Variants in GIGYF2 observed in about 807,000 individuals in gnomAD.
The protein encoded by GIGYF2 is GRB10 interacting GYF protein 2, also known as GRB10-interacting GYF protein 2.
GIGYF2 carries 25 observed loss-of-function variants against 208.1 expected under a neutral mutation model. That is an observed-to-expected ratio of 0.12 (90% confidence interval 0.09 to 0.17). GIGYF2 has a LOEUF of 0.17. GIGYF2 is among the 10% of genes least tolerant of loss of function. GIGYF2 has a pLI of 1.00. For synonymous variants in GIGYF2, 534 were observed against 543.8 expected, an observed-to-expected ratio of 0.98 and a Z score of 0.25; for missense variants, 1,302 against 1,579.4, an observed-to-expected ratio of 0.82 and a Z score of 2.98.
rs114874728 is a variant in GIGYF2, at chr2:232,763,216, A to G, written c.532+1780A>G. On this transcript the variant is annotated intron_variant, in intron 8 of 28. Transcript: ENST00000373563. ...GTAGAGGGGATGAACAGTAGTTTAA[A>G]GAGTACAGGATTTGCAATCAGAAGA... Among the ~76,000 whole-genome samples the G allele has an allele frequency of 7.9e-3, 1,210 of 152,222 alleles. 14 individuals carry two copies. Among genetic ancestry groups the G allele is most frequent in the African/African-American group, 0.027 (1,119 of 41,492 alleles).
rs1701474042 is a variant in GIGYF2, at chr2:232,833,088, A to T, written c.2761A>T (p.Met921Leu). 6 of 1,550,614 alleles carry T rather than the reference A, an allele frequency of 3.9e-6. No homozygotes were observed. The highest frequency in any genetic ancestry group is 3.5e-6 in the Non-Finnish European group (4 of 1,146,178). The change falls in exon 22 of 29, where the codon ATG becomes TTG. Residue 921 changes from methionine to leucine, a missense_variant. Coordinates refer to ENST00000373563, the MANE Select transcript of GIGYF2 (RefSeq NM_001103146.3). ...GCAGCAGCAACAACAGCTGGCGCAG[A>T]TGAAGGTAAAGCCCGAGGCATCAAC... ...QQQQQQQLAQMKLPSSSTWGQ... is the reference protein window; with the variant it reads ...QQQQQQQLAQLKLPSSSTWGQ...
intron 9 of GIGYF2, among the ~76,000 whole-genome samples, chr2:232,790,278 A>G (rs1323415477): frequency 2.0e-5 from 3 of 152,200 alleles, no homozygotes; most frequent in Non-Finnish European, 2.9e-5. Context: ...ATGGGAAGAA[A>G]GAAAATGCTT....
At chr2:232,792,810 C>T (rs532642590) in intron 12 of GIGYF2, among the ~76,000 whole-genome samples, 1 of 152,190 alleles carries the variant, frequency 6.6e-6, no homozygotes, top group East Asian at 1.9e-4. Flanking sequence ...TTTGAATGTA[C>T]GTGCTTGAAG....
At chr2:232,770,937 C>T in intron 8 of GIGYF2, 1 of 1,613,852 alleles carries the variant, frequency 6.2e-7, no homozygotes, top group Non-Finnish European at 8.5e-7. Flanking sequence ...GGCCTAGGAG[C>T]ATTTGTATGG....
rs1690262490 is a variant in GIGYF2 at position 232,850,254 on chromosome 2, T to A, written c.3685-8T>A. ...TGTGTAATCTCAGTCATGCTGCTTA[T>A]TTCACAGGACTCTGTGTGGGGGATG... On this transcript the variant is annotated splice_region_variant and splice_polypyrimidine_tract_variant and intron_variant, in intron 27 of 28. Transcript: ENST00000373563. 1 of 1,612,142 alleles carries A rather than the reference T, an allele frequency of 6.2e-7. No homozygotes were observed. The highest frequency in any genetic ancestry group is 2.2e-5 in the East Asian group (1 of 44,872).
At chr2:232,752,687 C>T (rs1166739459) in intron 5 of GIGYF2, among the ~76,000 whole-genome samples, 1 of 151,868 alleles carries the variant, frequency 6.6e-6, no homozygotes, top group Non-Finnish European at 1.5e-5. Context: ...ACTATAGGTG[C>T]CCACCACTGC....
chr2:232,814,399 A>AAAAAT (rs1700839015), intron 18 of GIGYF2, among the ~76,000 whole-genome samples: 1 of 151,754 alleles, frequency 6.6e-6, no homozygotes, highest in South Asian at 2.1e-4. Context: ...CATCTCTACT[A>AAAAAT]AAAATAAAAA....
At chr2:232,738,891 A>G (rs972961131) in intron 3 of GIGYF2, among the ~76,000 whole-genome samples, 1 of 152,186 alleles carries the variant, frequency 6.6e-6, no homozygotes, top group East Asian at 1.9e-4. Context: ...TTGAATTGTC[A>G]TCTCCTGTGT....
At chr2:232,757,179 G>C (rs1698582402) in intron 6 of GIGYF2, among the ~76,000 whole-genome samples, 1 of 151,982 alleles carries the variant, frequency 6.6e-6, no homozygotes, top group South Asian at 2.1e-4. Flanking sequence ...TTTATCTACA[G>C]TCTCTCTAGA....
intron 8 of GIGYF2, among the ~76,000 whole-genome samples, chr2:232,773,910 TAAAAAAAAAAAA>T (rs61323973): frequency 8.9e-6 from 1 of 112,802 alleles, no homozygotes; most frequent in Non-Finnish European, 1.8e-5. Context: ...TGTCTCTATT[TAAAAAAAAAAAA>T]AAAAAAAAAA....
chr2:232,836,300 A>C (rs1040013266), intron 22 of GIGYF2, among the ~76,000 whole-genome samples: 584 of 19,502 alleles, frequency 0.03, 165 homozygotes, highest in African/African-American at 0.086. Flanking sequence ...ATATATATAT[A>C]TATATATATA....
At chr2:232,844,618 G>A in intron 25 of GIGYF2, 44 bp downstream of exon 25, 1 of 1,362,374 alleles carries the variant, frequency 7.3e-7, no homozygotes, top group Non-Finnish European at 1.0e-6. Context: ...GGTTGGTTGG[G>A]AGGTGGGGAT....
At position 232,859,516 on chromosome 2, in the gene GIGYF2, C is replaced by G. The variant is rs1188690059; in HGVS notation, c.*2656C>G. On this transcript the variant is annotated 3_prime_UTR_variant, in exon 29 of 29. Transcript: ENST00000373563. The stretch of plus-strand genomic sequence containing the variant: ...TTTGATTATGGAGACTGTCCCCAAG[C>G]AGATTGGTGTGCTGGTGGCTGCTGT... The G allele has an allele frequency of 6.6e-6, 1 of 152,126 alleles. No individual in the cohort carries two copies. The highest frequency in any genetic ancestry group is 1.9e-4 in the East Asian group (1 of 5,180). 9.4% of individuals were successfully genotyped at this position (152,126 alleles called of 1,614,324 possible).
chr2:232,757,270 T>A (rs1195713278), intron 6 of GIGYF2, among the ~76,000 whole-genome samples: 1 of 152,206 alleles, frequency 6.6e-6, no homozygotes, highest in Non-Finnish European at 1.5e-5. Context: ...GTGTGAAGTG[T>A]CTGATTAAAA....
chr2:232,719,415 G>T (rs1696842326), intron 2 of GIGYF2, among the ~76,000 whole-genome samples: 1 of 152,114 alleles, frequency 6.6e-6, no homozygotes, highest in South Asian at 2.1e-4. Flanking sequence ...CTCAGAAGTT[G>T]CTTGGTTCCT....
chr2:232,743,276 G>T (rs552668056), intron 3 of GIGYF2, among the ~76,000 whole-genome samples: 12 of 152,260 alleles, frequency 7.9e-5, no homozygotes, highest in African/African-American at 2.9e-4. Flanking sequence ...GAGGAAAGAT[G>T]AACAGTGCAT....
intron 14 of GIGYF2, among the ~76,000 whole-genome samples, chr2:232,798,957 ACC>A (rs1321170151): frequency 7.4e-5 from 11 of 149,498 alleles, no homozygotes; most frequent in East Asian, 5.9e-4. Flanking sequence ...CCTGGCAATT[ACC>A]ATTGCCAGGG....
Position 232,791,438 on chromosome 2 carries a change from G to C in GIGYF2, c.1274G>C (p.Arg425Thr), listed in dbSNP as rs539250419. The change falls in exon 12 of 29, where the codon AGA becomes ACA. Residue 425 changes from arginine to threonine, a missense_variant. By Grantham distance (71) the Arg-to-Thr change is moderately conservative. Coordinates refer to ENST00000373563, the MANE Select transcript of GIGYF2 (RefSeq NM_001103146.3). Reference protein sequence around the residue: ...ENSLPAKVPSRGDEMVADVQQ... With the variant: ...ENSLPAKVPSTGDEMVADVQQ... ...AGTCTACCAGCCAAAGTGCCCAGCAGAGGGGATGGTATGTATTTGTGGGAA... is the reference window on the plus strand; with the variant it reads ...AGTCTACCAGCCAAAGTGCCCAGCACAGGGGATGGTATGTATTTGTGGGAA... The C allele has an allele frequency of 5.0e-6, 8 of 1,613,432 alleles. No individual in the cohort carries two copies. The South Asian group carries it at 7.7e-5, about 16-fold the overall frequency.
intron 2 of GIGYF2, among the ~76,000 whole-genome samples, chr2:232,725,581 A>G (rs1697160226): frequency 6.6e-6 from 1 of 152,248 alleles, no homozygotes; most frequent in Non-Finnish European, 1.5e-5. Flanking sequence ...CTTAGTAAGC[A>G]CATAGTTAGC....
Sources: allele counts gnomAD v4.1 joint callset (sites outside exome capture counted in the v4.1 genomes callset), GRCh38; gene constraint gnomAD v4.1.1; transcripts MANE v1.5; gene names NCBI Gene and HGNC (gene_info 2026-07-23, HGNC 2026-07-21).